BTRC: variants seen among roughly 807,000 people sequenced by gnomAD.
The protein encoded by BTRC is beta-transducin repeat containing E3 ubiquitin protein ligase, also known as F-box/WD repeat-containing protein 1A.
In BTRC, 42 loss-of-function variants were observed where a neutral mutation model predicts 85.5. The observed-to-expected ratio is 0.49, with a 90% CI of 0.38 to 0.64. BTRC has a LOEUF of 0.64. Among genes scored for constraint, BTRC ranks in the 30% least tolerant of loss-of-function variants. The probability of loss-of-function intolerance (pLI) is 0.00; values close to 1 mark genes in which losing one functional copy is unlikely to be tolerated. For synonymous variants in BTRC, 255 were observed against 263.3 expected, an observed-to-expected ratio of 0.97 and a Z score of 0.30; for missense variants, 594 against 743.5, an observed-to-expected ratio of 0.80 and a Z score of 2.34.
At chr10:101,541,573 A>G (rs2062469799) in intron 13 of BTRC, among the ~76,000 whole-genome samples, 1 of 152,022 alleles carries the variant, frequency 6.6e-6, no homozygotes, top group Non-Finnish European at 1.5e-5. Flanking sequence ...GGTTTTTCAT[A>G]GTGACCCATT....
At chr10:101,462,709 T>C (rs911286105) in intron 3 of BTRC, among the ~76,000 whole-genome samples, 2 of 150,868 alleles carry the variant, frequency 1.3e-5, no homozygotes, top group Admixed American at 1.3e-4. Context: ...AGCTCACCAC[T>C]GTGCCCCAAT....
chr10:101,465,077 A>T (rs908565021), intron 3 of BTRC, among the ~76,000 whole-genome samples: 3 of 152,206 alleles, frequency 2.0e-5, no homozygotes, highest in African/African-American at 7.2e-5. Flanking sequence ...GACAATAATG[A>T]AGTGCCATTT....
At chr10:101,513,867 A>G (rs577277500) in intron 4 of BTRC, among the ~76,000 whole-genome samples, 2 of 152,376 alleles carry the variant, frequency 1.3e-5, no homozygotes, top group South Asian at 4.1e-4. Flanking sequence ...TTTCCAAAGT[A>G]GTTGTACCAT....
At chr10:101,480,713 C>T (rs1945811280) in intron 4 of BTRC, among the ~76,000 whole-genome samples, 2 of 152,094 alleles carry the variant, frequency 1.3e-5, no homozygotes, top group East Asian at 1.9e-4. Flanking sequence ...AAATGTATCA[C>T]ACAAAATATA....
At chr10:101,354,265 G>C (rs1941963410) in intron 1 of BTRC, 37 bp downstream of exon 1, 1 of 1,546,520 alleles carries the variant, frequency 6.5e-7, no homozygotes, top group Non-Finnish European at 8.7e-7. Context: ...CGGTGGAGGC[G>C]CTGGCGTTGG....
At chr10:101,504,165 A>G (rs887116313) in intron 4 of BTRC, among the ~76,000 whole-genome samples, 3 of 152,116 alleles carry the variant, frequency 2.0e-5, no homozygotes, top group South Asian at 2.1e-4. Flanking sequence ...TAGGTGAACA[A>G]CCTCCACCTG....
chr10:101,359,091 C>T (rs980234791), intron 1 of BTRC, among the ~76,000 whole-genome samples: 1 of 149,428 alleles, frequency 6.7e-6, no homozygotes, highest in Non-Finnish European at 1.5e-5. Context: ...TCCTGCGTGA[C>T]TTCCCTTAAT....
chr10:101,480,589 G>A (rs920572245), intron 4 of BTRC, among the ~76,000 whole-genome samples: 6 of 152,078 alleles, frequency 3.9e-5, no homozygotes, highest in Admixed American at 6.5e-5. Flanking sequence ...CTTACAAGGG[G>A]TCTGCCTTCA....
At chr10:101,418,376 A>C (rs12770724) in intron 1 of BTRC, among the ~76,000 whole-genome samples, 1 of 152,150 alleles carries the variant, frequency 6.6e-6, no homozygotes, top group Non-Finnish European at 1.5e-5. Flanking sequence ...TCAAAAAAAA[A>C]CAAAAACACA....
At chr10:101,452,842 G>A (rs1379785036) in intron 2 of BTRC, among the ~76,000 whole-genome samples, 1 of 152,182 alleles carries the variant, frequency 6.6e-6, no homozygotes, top group Non-Finnish European at 1.5e-5. Flanking sequence ...GAGAAGCAAT[G>A]TGCATGAAAA....
At chr10:101,500,281 T>A (rs1946369566) in intron 4 of BTRC, among the ~76,000 whole-genome samples, 1 of 152,160 alleles carries the variant, frequency 6.6e-6, no homozygotes, top group African/African-American at 2.4e-5. Flanking sequence ...TACTGAATAC[T>A]GTACGCAATC....
chr10:101,404,725 G>A (rs1374579788), intron 1 of BTRC, among the ~76,000 whole-genome samples: 3 of 152,142 alleles, frequency 2.0e-5, no homozygotes, highest in Admixed American at 6.6e-5. Context: ...CTGGCCGAGT[G>A]CAGTGGCTCA....
chr10:101,455,697 T>C (rs1945057445), intron 2 of BTRC, among the ~76,000 whole-genome samples: 1 of 152,116 alleles, frequency 6.6e-6, no homozygotes. Context: ...TTTTGGTGAA[T>C]GATAAATAAT....
intron 4 of BTRC, among the ~76,000 whole-genome samples, chr10:101,509,189 A>G (rs958984932): frequency 4.6e-5 from 7 of 150,782 alleles, no homozygotes; most frequent in Admixed American, 1.3e-4. Context: ...CATTCTAATC[A>G]AAGTGTAAAC....
chr10:101,516,967 G>A (rs1430164536), intron 4 of BTRC, among the ~76,000 whole-genome samples: 1 of 152,140 alleles, frequency 6.6e-6, no homozygotes, highest in Non-Finnish European at 1.5e-5. Flanking sequence ...TAGAGTTTGG[G>A]AGGTTTTCAT....
At chr10:101,534,146 C>A (rs984871593) in intron 9 of BTRC, among the ~76,000 whole-genome samples, 2 of 152,028 alleles carry the variant, frequency 1.3e-5, no homozygotes, top group Non-Finnish European at 2.9e-5. Flanking sequence ...TATTTTAAAC[C>A]CCTACCCACT....
At chr10:101,535,554 A>C (rs992894656) in intron 11 of BTRC, 82 bp downstream of exon 11, 4 of 949,248 alleles carry the variant, frequency 4.2e-6, no homozygotes, top group Admixed American at 2.8e-5. Flanking sequence ...ACAAGTCTTC[A>C]ATTTTGTTAT....
At chr10:101,484,348 G>T (rs1410017922) in intron 4 of BTRC, among the ~76,000 whole-genome samples, 1 of 152,340 alleles carries the variant, frequency 6.6e-6, no homozygotes, top group Middle Eastern at 3.4e-3. Flanking sequence ...GAGAAGCAAC[G>T]TGCTGTTTTA....
chr10:101,363,899 C>T (rs754681555), intron 1 of BTRC, among the ~76,000 whole-genome samples: 4 of 152,134 alleles, frequency 2.6e-5, no homozygotes, highest in Non-Finnish European at 4.4e-5. Context: ...GTCACAGTAT[C>T]ATTTCAGTTA....
Sources: allele counts gnomAD v4.1 joint callset (sites outside exome capture counted in the v4.1 genomes callset), GRCh38; gene constraint gnomAD v4.1.1; transcripts MANE v1.5; gene names NCBI Gene and HGNC (gene_info 2026-07-23, HGNC 2026-07-21).